Variants in TMEM255B observed in about 807,000 individuals in gnomAD.
TMEM255B encodes family with sequence similarity 70, member B.
A neutral mutation model predicts 34.5 loss-of-function variants in TMEM255B; 35 were observed. The ratio of observed to expected loss-of-function variants is 1.01; its 90% CI spans 0.77 to 1.34. TMEM255B has a LOEUF of 1.34. TMEM255B is among the 40% of genes most tolerant of loss of function. The probability of loss-of-function intolerance (pLI) is 0.00; values close to 1 mark genes in which losing one functional copy is unlikely to be tolerated. For synonymous variants in TMEM255B, 206 were observed against 201.2 expected, an observed-to-expected ratio of 1.02 and a Z score of -0.20; for missense variants, 432 against 433.2, an observed-to-expected ratio of 1.00 and a Z score of 0.02.
chr13:113,809,709 T>C (rs1212589031), intron 8 of TMEM255B, among the ~76,000 whole-genome samples: 1 of 151,938 alleles, frequency 6.6e-6, no homozygotes, highest in Admixed American at 6.5e-5. Flanking sequence ...TGAGTTTTAC[T>C]CCATGGTTCA....
At chr13:113,804,770 G>A in intron 7 of TMEM255B, 115 bp from the exon 8 acceptor site, 1 of 822,286 alleles carries the variant, frequency 1.2e-6, no homozygotes, top group South Asian at 2.0e-5. Context: ...CCGGGCCGGG[G>A]TTAGTTCCAG....
intron 5 of TMEM255B, chr13:113,799,666 C>A: frequency 1.5e-6 from 1 of 656,006 alleles, no homozygotes; most frequent in Non-Finnish European, 2.8e-6. Flanking sequence ...TCAGAGTGCA[C>A]GTGTCCAGTT....
At chr13:113,795,453 C>T (rs1187423012) in intron 4 of TMEM255B, among the ~76,000 whole-genome samples, 2 of 151,900 alleles carry the variant, frequency 1.3e-5, no homozygotes, top group East Asian at 3.9e-4. Flanking sequence ...ACACAACACA[C>T]AGAGCACACA....
In TMEM255B at chr13:113,799,415, CAG is replaced by C. The variant is rs747702367; in HGVS notation, c.422_423del (p.Glu141GlyfsTer23). On this transcript the variant is annotated frameshift_variant and splice_region_variant, in exon 5 of 9. Transcript: ENST00000375353. LOFTEE classifies it high-confidence loss of function. ...GGGTACTTGTACGATGTCTACCAGA[CAG>C]AGGTGAGCAGGAGCACTGAGATTCA... The C allele has an allele frequency of 2.5e-6, 4 of 1,613,838 alleles. No homozygotes were observed. Among genetic ancestry groups the C allele is most frequent in the African/African-American group, 1.3e-5 (1 of 74,936 alleles).
At chr13:113,796,273 C>T (rs549711407) in intron 4 of TMEM255B, among the ~76,000 whole-genome samples, 1 of 150,194 alleles carries the variant, frequency 6.7e-6, no homozygotes, top group African/African-American at 2.5e-5. Flanking sequence ...ACCTCACACA[C>T]CACACAGAGC....
rs1566729216 is a variant in TMEM255B at position 113,782,672 on chromosome 13, CGGA to C, written c.253-12473_253-12471del. ...CGATGAGATTTCCTCCTGTGATGGT[CGGA>C]GGGGGGGGCTTCATTATGAGCCCCA... On this transcript the variant is annotated intron_variant, in intron 3 of 8. Coordinates refer to ENST00000375353, the MANE Select transcript of TMEM255B (RefSeq NM_182614.4). Among the ~76,000 whole-genome samples the C allele has an allele frequency of 4.1e-4, 56 of 138,082 alleles. No individual in the cohort carries two copies. The South Asian group carries it at 0.014, about 34-fold the overall frequency. The allele number at this position is 138,082 out of a possible 152,430, so 90.6% of individuals were successfully genotyped here.
chr13:113,808,794 G>C lies in TMEM255B; in HGVS notation c.814-2942G>C, dbSNP rs1349834460. 3.0e-4 allele frequency among the ~76,000 whole-genome samples: 31 copies of C among 102,986 alleles called. 1 individual carries two copies. In the South Asian group the frequency reaches 0.01, roughly 33 times the overall value. 67.6% of individuals were successfully genotyped at this position (102,986 alleles called of 152,430 possible). On this transcript the variant is annotated intron_variant, in intron 8 of 8. Transcript: ENST00000375353. ...TGGCGGTGTAACTCTGTGGTTCCTG[G>C]GGGGGGGGTTACTCCATGTTTCCTG...
intron 1 of TMEM255B, among the ~76,000 whole-genome samples, chr13:113,761,636 G>A (rs1373253253): frequency 6.6e-6 from 1 of 152,156 alleles, no homozygotes; most frequent in Middle Eastern, 3.2e-3. Flanking sequence ...TAGCCGCTAC[G>A]CCGTCTTAAA....
At chr13:113,800,054 G>C in intron 5 of TMEM255B, 1 of 1,205,628 alleles carries the variant, frequency 8.3e-7, no homozygotes, top group South Asian at 1.5e-5. Flanking sequence ...AGCAGCTGCC[G>C]GGAGGCATCG....
At position 113,766,254 on chromosome 13, in the gene TMEM255B, C is replaced by T. The variant is rs779693551; in HGVS notation, c.186C>T (p.Ile62=). 2.5e-6 allele frequency: 4 copies of T among 1,613,936 alleles called. No homozygotes were observed. Among genetic ancestry groups the T allele is most frequent in the East Asian group, 2.2e-5 (1 of 44,902 alleles). The change falls in exon 2 of 9, where the codon ATC becomes ATT. Residue 62 remains isoleucine (I), a synonymous_variant. Transcript: ENST00000375353. ...CCGTTGGGGGCTACTACCCAGGGAT[C>T]ATTGTGAGTGCGCCGGGCGGGCGGC... ...NVTVGGYYPG[I]ILGFGSFLGI...
chr13:113,773,504 C>T (rs923449553), intron 3 of TMEM255B, among the ~76,000 whole-genome samples: 12 of 152,216 alleles, frequency 7.9e-5, no homozygotes, highest in Admixed American at 5.9e-4. Context: ...CTGCCAGAGC[C>T]GTGTGGTGTT....
chr13:113,766,531 C>T (rs775914507), intron 2 of TMEM255B: 72 of 527,026 alleles, frequency 1.4e-4, no homozygotes, highest in Middle Eastern at 6.6e-4. Flanking sequence ...TGGGTTGGCC[C>T]GATGTGGTCA....
chr13:113,801,286 C>T (rs775549641), intron 6 of TMEM255B, among the ~76,000 whole-genome samples: 46 of 152,240 alleles, frequency 3.0e-4, no homozygotes, highest in Non-Finnish European at 5.6e-4. Flanking sequence ...CTCTGAGGCC[C>T]CAGGCATGGC....
At chr13:113,793,526 G>T (rs1215854527) in intron 3 of TMEM255B, among the ~76,000 whole-genome samples, 1 of 152,228 alleles carries the variant, frequency 6.6e-6, no homozygotes, top group Non-Finnish European at 1.5e-5. Context: ...CTCACGCAGG[G>T]ACCGTGCCGG....
In TMEM255B at chr13:113,815,258, ACGG is replaced by A. The variant is rs1170162083; in HGVS notation, c.*3356_*3358del. On this transcript the variant is annotated 3_prime_UTR_variant, in exon 9 of 9. Transcript: ENST00000375353. ...ACAAAGAGAGGAAGGGACATGGGTG[ACGG>A]TCCGTCCACGTGGGGTCACCGGCCA... The A allele has an allele frequency of 1.3e-5, 2 of 151,608 alleles. No individual in the cohort carries two copies. Among genetic ancestry groups the A allele is most frequent in the African/African-American group, 2.4e-5 (1 of 41,160 alleles). The allele number at this position is 151,608 out of a possible 1,614,324, so 9.4% of individuals were successfully genotyped here.
chr13:113,768,991 C>A, intron 2 of TMEM255B, 107 bp from the exon 3 acceptor site: 1 of 1,281,698 alleles, frequency 7.8e-7, no homozygotes, highest in Non-Finnish European at 1.1e-6. Flanking sequence ...TGGCCTTCGT[C>A]CCTGGATAAA....
At chr13:113,761,631 G>A (rs557418351) in intron 1 of TMEM255B, among the ~76,000 whole-genome samples, 5 of 152,158 alleles carry the variant, frequency 3.3e-5, no homozygotes, top group Admixed American at 6.5e-5. Flanking sequence ...AAGAATAGCC[G>A]CTACGCCGTC....
intron 3 of TMEM255B, among the ~76,000 whole-genome samples, chr13:113,772,716 T>A (rs2050497831): frequency 6.6e-6 from 1 of 152,222 alleles, no homozygotes; most frequent in African/African-American, 2.4e-5. Context: ...TAATTGGCCA[T>A]ACATATATGG....
At chr13:113,782,337 C>A (rs1377818389) in intron 3 of TMEM255B, among the ~76,000 whole-genome samples, 1 of 152,132 alleles carries the variant, frequency 6.6e-6, no homozygotes, top group Non-Finnish European at 1.5e-5. Context: ...AATGAAATAG[C>A]TGTAGTTTAA....
Sources: allele counts gnomAD v4.1 joint callset (sites outside exome capture counted in the v4.1 genomes callset), GRCh38; gene constraint gnomAD v4.1.1; transcripts MANE v1.5; gene names NCBI Gene and HGNC (gene_info 2026-07-23, HGNC 2026-07-21).